STAT5B: variants seen among roughly 807,000 people sequenced by gnomAD.
The protein encoded by STAT5B is transcription factor STAT5B.
In STAT5B, 21 loss-of-function variants were observed where a neutral mutation model predicts 107.8. The observed-to-expected ratio is 0.19, with a 90% CI of 0.14 to 0.28. STAT5B has a LOEUF of 0.28. Among genes scored for constraint, STAT5B ranks in the 10% least tolerant of loss-of-function variants. The pLI is 1.00. For synonymous variants in STAT5B, 325 were observed against 401.7 expected (o/e 0.81, Z 2.28); for missense variants, 565 against 1,008.2 (o/e 0.56, Z 5.95).
At chr17:42,228,207 C>A (rs1189097466) in intron 2 of STAT5B, among the ~76,000 whole-genome samples, 1 of 152,204 alleles carries the variant, frequency 6.6e-6, no homozygotes, top group Non-Finnish European at 1.5e-5. Context: ...ATGAGACATT[C>A]AGGCAGAGGG....
Position 42,217,140 on chromosome 17 carries a change from G to A in STAT5B, c.1380+20C>T. The A allele has an allele frequency of 6.2e-7, 1 of 1,605,894 alleles. No individual in the cohort carries two copies. Among genetic ancestry groups the A allele is most frequent in the Non-Finnish European group, 8.5e-7 (1 of 1,176,266 alleles). On this transcript the variant is annotated intron_variant, in intron 11 of 18. Transcript: ENST00000293328. ...ACACACACACGCACACGCACACGCA[G>A]AGCTGAGGGAAGGCTTTACCTTGAC... is the stretch of plus-strand genomic sequence containing the variant.
At chr17:42,266,071 T>A (rs184029228) in intron 1 of STAT5B, among the ~76,000 whole-genome samples, 64 of 152,260 alleles carry the variant, frequency 4.2e-4, no homozygotes, top group African/African-American at 1.4e-3. Flanking sequence ...AAAGAAGTTT[T>A]AAATATTTAT....
At position 42,223,446 on chromosome 17, in the gene STAT5B, T is replaced by A. The variant is rs759250756; in HGVS notation, c.486A>T (p.Leu162Phe). The change falls in exon 5 of 19, where the codon TTA becomes TTT. Residue 162 changes from leucine (L) to phenylalanine (F), a missense_variant. This residue lies in a region of STAT5B where 56 missense variants were observed against 104.5 expected (regional missense o/e 0.54). Transcript: ENST00000293328. ...ACTCCTGAGTCTGCTGCAGCTTTTT[T>A]AACTCATTCTCTGTGTCCTGCGTGA... ...RLVTQDTENELKKLQQTQEYF... is the reference protein window; with the variant it reads ...RLVTQDTENEFKKLQQTQEYF... 10 of 1,614,098 alleles carry A rather than the reference T, an allele frequency of 6.2e-6. No individual in the cohort carries two copies. Among genetic ancestry groups the A allele is most frequent in the South Asian group, 2.2e-5 (2 of 91,094 alleles).
At chr17:42,286,840 T>C in the STAT5B span, among the ~76,000 whole-genome samples, 1 of 152,350 alleles carries the variant, frequency 6.6e-6, no homozygotes. Context: ...ACAGGCTGCA[T>C]GACGGTGGCA....
intron 1 of STAT5B, among the ~76,000 whole-genome samples, chr17:42,263,017 A>AT (rs2080630775): frequency 1.3e-4 from 3 of 22,792 alleles, no homozygotes; most frequent in Admixed American, 3.8e-4. Context: ...TATATATATA[A>AT]AAAAACAAAA....
intron 1 of STAT5B, among the ~76,000 whole-genome samples, chr17:42,257,493 G>A (rs981799509): frequency 3.3e-5 from 5 of 152,186 alleles, no homozygotes; most frequent in African/African-American, 1.2e-4. Context: ...GCTATTGTAT[G>A]TGCAAAACAA....
chr17:42,230,252 T>C (rs544978332), intron 2 of STAT5B, among the ~76,000 whole-genome samples: 1 of 152,324 alleles, frequency 6.6e-6, no homozygotes, highest in South Asian at 2.1e-4. Flanking sequence ...CTAACACGCA[T>C]TGCGATTATT....
intron 12 of STAT5B, 55 bp from the exon 13 acceptor site, chr17:42,212,245 C>T: frequency 6.2e-7 from 1 of 1,612,004 alleles, no homozygotes; most frequent in South Asian, 1.1e-5. Context: ...GATTTATTCC[C>T]TCAAGCCACA....
intron 13 of STAT5B, 92 bp from the exon 14 acceptor site, chr17:42,210,589 A>G: frequency 8.5e-7 from 1 of 1,173,418 alleles, no homozygotes; most frequent in Admixed American, 1.7e-5. Flanking sequence ...AATGGGAAAC[A>G]AACATCTACC....
chr17:42,221,019 G>A (rs1374154773), intron 5 of STAT5B, among the ~76,000 whole-genome samples: 41 of 151,794 alleles, frequency 2.7e-4, no homozygotes, highest in African/African-American at 5.6e-4. Context: ...GAAGATGCGC[G>A]CACCAGCATG....
At chr17:42,248,005 C>A (rs1375570869) in intron 1 of STAT5B, among the ~76,000 whole-genome samples, 1 of 151,598 alleles carries the variant, frequency 6.6e-6, no homozygotes, top group Non-Finnish European at 1.5e-5. Context: ...GGGCCAGGCA[C>A]AGTGGCTCAT....
intron 1 of STAT5B, among the ~76,000 whole-genome samples, chr17:42,267,935 G>C (rs2080688108): frequency 6.8e-6 from 1 of 147,078 alleles, no homozygotes. Context: ...TCCAGCCTGG[G>C]CCACAAGAGC....
intron 1 of STAT5B, among the ~76,000 whole-genome samples, chr17:42,241,708 G>T (rs1367458392): frequency 2.6e-5 from 4 of 152,092 alleles, no homozygotes; most frequent in Non-Finnish European, 5.9e-5. Context: ...CTCCCAAAGT[G>T]TTGGGATTAC....
intron 2 of STAT5B, among the ~76,000 whole-genome samples, chr17:42,228,816 C>T (rs2080295176): frequency 6.6e-6 from 1 of 152,174 alleles, no homozygotes. Flanking sequence ...TGCCTGTAGT[C>T]CCAGCTACTT....
At chr17:42,282,958 G>A in the STAT5B span, among the ~76,000 whole-genome samples, 5 of 152,190 alleles carry the variant, frequency 3.3e-5, no homozygotes, top group African/African-American at 4.8e-5. Flanking sequence ...GAGGCTTGGA[G>A]CAAGGAAGAT....
chr17:42,270,140 C>T (rs1304059557), intron 1 of STAT5B, among the ~76,000 whole-genome samples: 2 of 152,140 alleles, frequency 1.3e-5, no homozygotes, highest in African/African-American at 2.4e-5. Flanking sequence ...ACCCAGGAGA[C>T]GGAGGTTGCA....
At chr17:42,248,999 C>G (rs1045282996) in intron 1 of STAT5B, among the ~76,000 whole-genome samples, 1 of 152,174 alleles carries the variant, frequency 6.6e-6, no homozygotes, top group Non-Finnish European at 1.5e-5. Context: ...GCTTTTTCAA[C>G]GTGGTGGAAG....
At chr17:42,255,089 A>T (rs1277030197) in intron 1 of STAT5B, among the ~76,000 whole-genome samples, 5 of 145,758 alleles carry the variant, frequency 3.4e-5, no homozygotes, top group Admixed American at 6.9e-5. Context: ...GACTCCGTCT[A>T]AAAAAAAAAA....
chr17:42,238,095 TATCCATCCATCC>T (rs60439745), intron 1 of STAT5B, among the ~76,000 whole-genome samples: 15,917 of 140,910 alleles, frequency 0.11, 997 homozygotes, highest in African/African-American at 0.18. Flanking sequence ...TAAACTTTTC[TATCCATCCATCC>T]ATCCATCCAT....
Sources: allele counts gnomAD v4.1 joint callset (sites outside exome capture counted in the v4.1 genomes callset), GRCh38; gene constraint gnomAD v4.1.1; regional missense constraint gnomAD v4.1.1; transcripts MANE v1.5; gene names NCBI Gene and HGNC (gene_info 2026-07-23, HGNC 2026-07-21).